Variants in ARSB observed in about 807,000 individuals in gnomAD.
ARSB encodes arylsulfatase B.
In ARSB, 41 loss-of-function variants were observed where a neutral mutation model predicts 50.9. The observed-to-expected ratio is 0.81, with a 90% confidence interval of 0.63 to 1.04. The LOEUF is 1.04. Ranked by LOEUF, ARSB falls within the 50% of genes least tolerant of loss-of-function variation. The pLI, the probability that ARSB is intolerant of heterozygous loss-of-function variation, is 0.00. For missense variants in ARSB, 672 were observed against 693.3 expected, an observed-to-expected ratio of 0.97 and a Z score of 0.35; for synonymous variants, 269 against 284.8, an observed-to-expected ratio of 0.94 and a Z score of 0.56.
At chr5:78,960,231 C>G (rs963941607) in intron 3 of ARSB, among the ~76,000 whole-genome samples, 1 of 152,134 alleles carries the variant, frequency 6.6e-6, no homozygotes, top group Non-Finnish European at 1.5e-5. Context: ...ATTGGGGGTT[C>G]TTTTCCCTTT....
At chr5:78,835,964 C>G (rs1443735426) in intron 6 of ARSB, among the ~76,000 whole-genome samples, 2 of 152,280 alleles carry the variant, frequency 1.3e-5, no homozygotes, top group Middle Eastern at 3.4e-3. Flanking sequence ...ATTGTTAACC[C>G]TCAGTTTACA....
chr5:78,845,490 C>A, intron 5 of ARSB, among the ~76,000 whole-genome samples: 1 of 152,100 alleles, frequency 6.6e-6, no homozygotes, highest in East Asian at 1.9e-4. Context: ...TTTGCATTCT[C>A]ACCAGTGGTG....
chr5:78,969,307 A>G, intron 1 of ARSB, 115 bp from the exon 2 acceptor site: 1 of 1,112,920 alleles, frequency 9.0e-7, no homozygotes, highest in South Asian at 1.3e-5. Context: ...GTTTAACTCT[A>G]TTCCTGTACT....
At chr5:78,794,925 T>C (rs964629944) in intron 6 of ARSB, among the ~76,000 whole-genome samples, 1 of 152,212 alleles carries the variant, frequency 6.6e-6, no homozygotes, top group Non-Finnish European at 1.5e-5. Flanking sequence ...TCCCTGGCTT[T>C]GGAGCCAGAC....
chr5:78,832,089 G>C lies in ARSB; in HGVS notation c.1213+7267C>G, dbSNP rs532255515. On this transcript the variant is annotated intron_variant, in intron 6 of 7. Coordinates refer to ENST00000264914, the MANE Select transcript of ARSB (RefSeq NM_000046.5). Reference sequence around the variant, plus strand: ...TTATAGCTCCGGATGGGGAAAACACGTGAATATAAATACTGCACTATGAGG... The same window carrying C: ...TTATAGCTCCGGATGGGGAAAACACCTGAATATAAATACTGCACTATGAGG... Among the ~76,000 whole-genome samples, 4 of 151,698 alleles carry C rather than the reference G, an allele frequency of 2.6e-5. No individual in the cohort carries two copies. In the East Asian group the frequency reaches 7.8e-4, roughly 30 times the overall value.
Position 78,864,166 on chromosome 5 carries a change from G to C in ARSB, c.1142+21418C>G, listed in dbSNP as rs140682730. On this transcript the variant is annotated intron_variant, in intron 5 of 7. Coordinates refer to ENST00000264914, the MANE Select transcript of ARSB (RefSeq NM_000046.5). Reference sequence around the variant, plus strand: ...GCTAGAATTATGCAAAAGAGGGTTAGGGGGTACAAGAGGAGTGTATTAGTC... The same window carrying C: ...GCTAGAATTATGCAAAAGAGGGTTACGGGGTACAAGAGGAGTGTATTAGTC... 3.9e-5 allele frequency among the ~76,000 whole-genome samples: 6 copies of C among 152,112 alleles called. No individual in the cohort carries two copies. The East Asian group carries it at 5.8e-4, about 15-fold the overall frequency.
chr5:78,838,960 C>A (rs867904715), intron 6 of ARSB, among the ~76,000 whole-genome samples: 1 of 152,198 alleles, frequency 6.6e-6, no homozygotes, highest in East Asian at 1.9e-4. Flanking sequence ...TGGAACCCAA[C>A]TGTGGCTTAT....
At chr5:78,781,323 CTTTTTTT>C (rs376851173) in intron 7 of ARSB, among the ~76,000 whole-genome samples, 63 of 75,348 alleles carry the variant, frequency 8.4e-4, no homozygotes, top group South Asian at 3.4e-3. Context: ...CTCTCTCTCT[CTTTTTTT>C]TTTTTTTTTT....
At chr5:78,892,509 G>C (rs1328928868) in intron 4 of ARSB, among the ~76,000 whole-genome samples, 2 of 151,946 alleles carry the variant, frequency 1.3e-5, no homozygotes, top group African/African-American at 4.8e-5. Flanking sequence ...ATCCACCTCG[G>C]CTTCCCATAG....
chr5:78,798,776 T>G (rs1441950421), intron 6 of ARSB, among the ~76,000 whole-genome samples: 1 of 152,214 alleles, frequency 6.6e-6, no homozygotes, highest in Non-Finnish European at 1.5e-5. Flanking sequence ...CCATCCCTCC[T>G]GACCCCAGGA....
chr5:78,788,770 T>TA (rs1255814220), intron 6 of ARSB, among the ~76,000 whole-genome samples: 5 of 152,070 alleles, frequency 3.3e-5, no homozygotes, highest in African/African-American at 9.7e-5. Context: ...CTAGCTAATT[T>TA]TAAAAAAATT....
intron 4 of ARSB, among the ~76,000 whole-genome samples, chr5:78,940,063 G>T (rs1442830906): frequency 1.3e-5 from 2 of 152,100 alleles, no homozygotes; most frequent in Non-Finnish European, 2.9e-5. Flanking sequence ...TGTGTCTTTT[G>T]GCTGCATAAA....
At chr5:78,834,001 A>G (rs1300150356) in intron 6 of ARSB, among the ~76,000 whole-genome samples, 4 of 152,150 alleles carry the variant, frequency 2.6e-5, no homozygotes, top group Non-Finnish European at 5.9e-5. Flanking sequence ...GGCCATCTGG[A>G]GGTACTTTTA....
At position 78,985,178 on chromosome 5, in the gene ARSB, A is replaced by T; in HGVS notation, c.71T>A (p.Leu24His). 7.0e-7 allele frequency: 1 copy of T among 1,428,044 alleles called. No individual in the cohort carries two copies. Among genetic ancestry groups the T allele is most frequent in the Non-Finnish European group, 9.2e-7 (1 of 1,091,466 alleles). The allele number at this position is 1,428,044 out of a possible 1,614,324, so 88.5% of individuals were successfully genotyped here. A position where few individuals can be genotyped will look rare whatever the true frequency, so the allele number is the denominator to read the frequency against. The change falls in exon 1 of 8, where the codon CTC becomes CAC. Residue 24 changes from leucine (L) to histidine (H), a missense_variant. Leu to His is a moderately conservative substitution (Grantham distance 99). Transcript: ENST00000264914. Reference protein sequence around the residue: ...GPRRLLLPVVLPLLLLLLLAP... With the variant: ...GPRRLLLPVVHPLLLLLLLAP... ...CAACAACAGCAGCAGCAGCAGCGGG[A>T]GGACGACGGGGAGGAGCAGCCGCCG...
intron 6 of ARSB, among the ~76,000 whole-genome samples, chr5:78,797,168 G>A (rs575342646): frequency 5.5e-4 from 84 of 152,148 alleles, no homozygotes; most frequent in African/African-American, 3.9e-4. Flanking sequence ...GTGAGCCACC[G>A]CGCCCGGCAG....
intron 5 of ARSB, among the ~76,000 whole-genome samples, chr5:78,860,086 G>C (rs1746353683): frequency 6.6e-6 from 1 of 152,176 alleles, no homozygotes; most frequent in Non-Finnish European, 1.5e-5. Context: ...GTGCTGAGAA[G>C]AATGTATATT....
chr5:78,881,381 G>C (rs971404979), intron 5 of ARSB, among the ~76,000 whole-genome samples: 1 of 151,326 alleles, frequency 6.6e-6, no homozygotes, highest in Admixed American at 6.6e-5. Context: ...AATAAACATG[G>C]GAAAGACATC....
chr5:78,848,846 CT>C (rs1298993214), intron 5 of ARSB, among the ~76,000 whole-genome samples: 1 of 152,114 alleles, frequency 6.6e-6, no homozygotes, highest in Non-Finnish European at 1.5e-5. Context: ...TTTCACGTGT[CT>C]TTTGGCTGCA....
At chr5:78,819,157 T>C (rs1336175769) in intron 6 of ARSB, among the ~76,000 whole-genome samples, 2 of 152,214 alleles carry the variant, frequency 1.3e-5, no homozygotes, top group African/African-American at 4.8e-5. Flanking sequence ...AGTCTGCTTC[T>C]GAAATCTCCC....
Sources: gnomAD v4.1 joint callset for allele counts (sites outside exome capture counted in the v4.1 genomes callset) on GRCh38, gnomAD v4.1.1 for gene constraint, MANE v1.5 for transcripts, NCBI Gene and HGNC (gene_info 2026-07-23, HGNC 2026-07-21) for gene names.